The following TRIM49C variants were observed in gnomAD, a reference collection of about 807,000 sequenced individuals.
TRIM49C encodes the protein tripartite motif containing 49C.
Under a neutral mutation model 21.4 loss-of-function variants are expected in TRIM49C, and 6 were observed. That is an observed-to-expected ratio of 0.28 (90% CI 0.15 to 0.55). The LOEUF is 0.55. Among genes scored for constraint, TRIM49C ranks in the 20% least tolerant of loss-of-function variants. TRIM49C has a pLI of 0.94. For synonymous variants in TRIM49C, 57 were observed against 148.1 expected, an observed-to-expected ratio of 0.38 and a Z score of 4.47; for missense variants, 161 against 442.4, an observed-to-expected ratio of 0.36 and a Z score of 5.71.
the TRIM49C span, chr11:90,071,099 A>G: frequency 2.0e-6 from 1 of 491,206 alleles, no homozygotes; most frequent in South Asian, 1.5e-5. Flanking sequence ...CCCAACAAGA[A>G]TAACAACTTT....
At chr11:90,070,714 G>A in the TRIM49C span, among the ~76,000 whole-genome samples, 4 of 141,088 alleles carry the variant, frequency 2.8e-5, 1 homozygote, top group African/African-American at 1.0e-4. Context: ...TAAAAGTGTT[G>A]CAGTGATAGT....
chr11:90,048,313 C>T, the TRIM49C span, among the ~76,000 whole-genome samples: 39 of 118,952 alleles, frequency 3.3e-4, 11 homozygotes, highest in African/African-American at 9.6e-4. Flanking sequence ...TGAATGTTGG[C>T]CTGCCTTGCT....
At chr11:90,031,647 C>T (rs1365879751) in intron 1 of TRIM49C, among the ~76,000 whole-genome samples, 5 of 151,794 alleles carry the variant, frequency 3.3e-5, no homozygotes, top group East Asian at 1.9e-4. Flanking sequence ...TGGAGAAAAA[C>T]GTTAAAATAA....
At chr11:90,064,281 A>G in the TRIM49C span, among the ~76,000 whole-genome samples, 1 of 151,390 alleles carries the variant, frequency 6.6e-6, no homozygotes, top group Non-Finnish European at 1.5e-5. Flanking sequence ...GTTTTTTCCC[A>G]TTGTCAATTC....
the TRIM49C span, among the ~76,000 whole-genome samples, chr11:90,053,906 G>GGACATTT: frequency 7.0e-6 from 1 of 143,836 alleles, no homozygotes; most frequent in Non-Finnish European, 1.5e-5. Flanking sequence ...AATTTTCTTA[G>GGACATTT]GACATTGATA....
At chr11:90,046,449 AT>A (rs1352799689), downstream of TRIM49C, among the ~76,000 whole-genome samples, 1 of 125,634 alleles carries the variant, frequency 8.0e-6, no homozygotes, top group Non-Finnish European at 1.6e-5. Context: ...TATTGCCTTA[AT>A]TTCAGAGCCT....
chr11:90,042,104 G>A (rs1222480705), downstream of TRIM49C: 4 of 133,766 alleles, frequency 3.0e-5, no homozygotes, highest in South Asian at 2.7e-4. Flanking sequence ...TAGTGTGCTC[G>A]TCTACATTGA....
intron 2 of TRIM49C, among the ~76,000 whole-genome samples, chr11:90,034,985 A>G (rs894914066): frequency 1.5e-5 from 2 of 136,058 alleles, no homozygotes; most frequent in East Asian, 2.1e-4. Context: ...GACAGGAACT[A>G]GGAGTAGAAG....
At chr11:90,033,781 T>A (rs1333674597) in intron 2 of TRIM49C, among the ~76,000 whole-genome samples, 1 of 128,010 alleles carries the variant, frequency 7.8e-6, no homozygotes, top group African/African-American at 2.8e-5. Flanking sequence ...CCATCTCTAC[T>A]AAAAAAATAC....
chr11:90,070,775 A>T, the TRIM49C span, among the ~76,000 whole-genome samples: 4 of 142,052 alleles, frequency 2.8e-5, 2 homozygotes, highest in South Asian at 9.4e-4. Flanking sequence ...GGGCAGAATA[A>T]CAACTTGTTT....
intron 4 of TRIM49C, among the ~76,000 whole-genome samples, chr11:90,037,234 AAAG>A (rs1950735123): frequency 7.4e-6 from 1 of 134,564 alleles, no homozygotes; most frequent in Non-Finnish European, 1.6e-5. Flanking sequence ...TGACTTAGAA[AAAG>A]AATAGAAGGA....
the TRIM49C span, chr11:90,051,827 C>T: frequency 5.6e-6 from 2 of 360,256 alleles, 1 homozygote; most frequent in Non-Finnish European, 1.0e-5. Flanking sequence ...TGTCAAGCAC[C>T]CGCGGACTCT....
At chr11:90,042,598 C>A (rs1391647381), downstream of TRIM49C, among the ~76,000 whole-genome samples, 10 of 119,912 alleles carry the variant, frequency 8.3e-5, 2 homozygotes, top group African/African-American at 3.0e-4. Context: ...GTACCACAGG[C>A]CCTCATAAAA....
intron 7 of TRIM49C, 106 bp from the exon 8 acceptor site, chr11:90,040,945 T>A: frequency 6.9e-7 from 1 of 1,447,818 alleles, no homozygotes; most frequent in Non-Finnish European, 9.1e-7. Flanking sequence ...AGCAAAACTT[T>A]TTATGACTTT....
At chr11:90,069,730 C>T in the TRIM49C span, among the ~76,000 whole-genome samples, 1 of 112,382 alleles carries the variant, frequency 8.9e-6, no homozygotes, top group Non-Finnish European at 1.8e-5. Context: ...ACAATATGTA[C>T]GGTAATTTAA....
At chr11:90,032,197 A>G (rs1274000720) in intron 1 of TRIM49C, among the ~76,000 whole-genome samples, 200 bp from the exon 2 acceptor site, 4 of 132,926 alleles carry the variant, frequency 3.0e-5, no homozygotes, top group Non-Finnish European at 4.8e-5. Context: ...ATCTTAGTTA[A>G]TTTCTAGCCT....
At chr11:90,066,149 T>G in the TRIM49C span, among the ~76,000 whole-genome samples, 1 of 136,174 alleles carries the variant, frequency 7.3e-6, no homozygotes, top group Non-Finnish European at 1.6e-5. Context: ...GCCTCCCAAG[T>G]AGCTGGGATT....
the TRIM49C span, among the ~76,000 whole-genome samples, chr11:90,064,317 A>G: frequency 6.6e-6 from 1 of 151,554 alleles, no homozygotes; most frequent in African/African-American, 2.4e-5. Context: ...ACACTTTCAC[A>G]TTCTGAAATA....
At chr11:90,057,840 G>C in the TRIM49C span, 1 of 1,264,082 alleles carries the variant, frequency 7.9e-7, no homozygotes, top group Non-Finnish European at 1.0e-6. Flanking sequence ...TCTTTCATCA[G>C]AATCAATAAT....
Sources: gnomAD v4.1 joint callset for allele counts (sites outside exome capture counted in the v4.1 genomes callset) on GRCh38, gnomAD v4.1.1 for gene constraint, MANE v1.5 for transcripts, NCBI Gene and HGNC (gene_info 2026-07-23, HGNC 2026-07-21) for gene names.